The following TIMM17B variants were observed in gnomAD, a reference collection of about 807,000 sequenced individuals.
TIMM17B encodes the protein translocase of inner mitochondrial membrane 17B, also known as mitochondrial import inner membrane translocase subunit Tim17-B.
TIMM17B carries 10 observed loss-of-function variants against 15.9 expected under a neutral mutation model. The ratio of observed to expected loss-of-function variants is 0.63; its 90% confidence interval spans 0.39 to 1.06. The LOEUF (loss-of-function observed/expected upper bound fraction) is 1.06. Among genes scored for constraint, TIMM17B ranks in the 50% least tolerant of loss-of-function variants. The pLI is 0.01. For synonymous variants in TIMM17B, 57 were observed against 57.2 expected, an observed-to-expected ratio of 1.00 and a Z score of 0.02; for missense variants, 114 against 152.2, an observed-to-expected ratio of 0.75 and a Z score of 1.32.
intron 4 of TIMM17B, among the ~76,000 whole-genome samples, chrX:48,894,567 ATAGGT>A (rs1557039193): frequency 8.9e-6 from 1 of 112,063 alleles, no homozygotes; most frequent in Non-Finnish European, 1.9e-5. Context: ...TGAGAAGGAA[ATAGGT>A]TAGGAAACCC....
exon 2 of TIMM17B, chrX:48,897,752 C>T: frequency 8.3e-7 from 1 of 1,209,793 alleles, no homozygotes. Context: ...TCCTCCATGG[C>T]GCTGGCGTCT....
chrX:48,896,658 A>C, intron 3 of TIMM17B, 101 bp downstream of exon 2: 1 of 1,155,648 alleles, frequency 8.7e-7, no homozygotes, highest in Non-Finnish European at 1.2e-6. Context: ...ACCAGAATGA[A>C]TAAGTGCACG....
Position 48,895,104 on chromosome X carries a change from G to A in TIMM17B, c.127-3C>T. On this transcript the variant is annotated splice_region_variant and splice_polypyrimidine_tract_variant and intron_variant, in intron 3 of 6. Coordinates refer to ENST00000376582, the Ensembl canonical transcript of TIMM17B. ...CCTCTCAACCGGTGCCGAATTCCCT[G>A]GGGAAAGGAAGGAAGGGCGTTAGGG... is the stretch of plus-strand genomic sequence containing the variant. The A allele has an allele frequency of 8.4e-7, 1 of 1,194,006 alleles. No individual in the cohort carries two copies. The highest frequency in any genetic ancestry group is 1.1e-6 in the Non-Finnish European group (1 of 886,147).
At chrX:48,896,457 CAA>C (rs374729794) in intron 3 of TIMM17B, 239 of 214,191 alleles carry the variant, frequency 1.1e-3, no homozygotes, top group Middle Eastern at 1.6e-3. Flanking sequence ...AAGACTGTCT[CAA>C]AAAAAAAAAA....
chrX:48,896,716 A>C, intron 3 of TIMM17B, 43 bp downstream of exon 2: 1 of 1,208,089 alleles, frequency 8.3e-7, no homozygotes, highest in Non-Finnish European at 1.1e-6. Flanking sequence ...CTTGTGGGCA[A>C]GATAGCTAAC....
At chrX:48,897,364 C>G (rs2063324137) in intron 2 of TIMM17B, 1 of 264,170 alleles carries the variant, frequency 3.8e-6, no homozygotes, top group African/African-American at 2.7e-5. Context: ...TGCCCCGCCC[C>G]CCACTGACAA....
chrX:48,894,999 C>A, intron 4 of TIMM17B, 39 bp downstream of exon 3: 1 of 1,138,286 alleles, frequency 8.8e-7, no homozygotes, highest in Non-Finnish European at 1.2e-6. Context: ...CCCACCTTTG[C>A]CAAGACATCT....
chrX:48,893,553 A>G (rs1848461206), exon 7 of TIMM17B: 1 of 394,064 alleles, frequency 2.5e-6, no homozygotes, highest in African/African-American at 2.5e-5. Flanking sequence ...CTGAGAGAGA[A>G]AAAGGGGACC....
At chrX:48,894,321 G>C in intron 4 of TIMM17B, 96 bp from the exon 4 acceptor site, 1 of 955,440 alleles carries the variant, frequency 1.0e-6, no homozygotes, top group Non-Finnish European at 1.4e-6. Context: ...CCAAGAACAG[G>C]GAGAAAAACC....
intron 2 of TIMM17B, chrX:48,897,202 G>A (rs781892566): frequency 1.2e-4 from 35 of 281,821 alleles, no homozygotes; most frequent in Non-Finnish European, 2.0e-4. Context: ...AAGACAGACT[G>A]TCAGCAAAGC....
At chrX:48,897,598 G>A (rs1557039816) in intron 2 of TIMM17B, 126 bp downstream of exon 1, 2 of 542,007 alleles carry the variant, frequency 3.7e-6, no homozygotes, top group Admixed American at 5.6e-5. Flanking sequence ...GGGGTAGCGG[G>A]AGATACGTTA....
chrX:48,895,430 C>T, intron 3 of TIMM17B: 1 of 516,240 alleles, frequency 1.9e-6, no homozygotes, highest in Non-Finnish European at 3.5e-6. Context: ...TCTCAGAGCT[C>T]ACATTAACGG....
At chrX:48,897,727 G>A in exon 2 of TIMM17B, 1 of 1,208,329 alleles carries the variant, frequency 8.3e-7, no homozygotes, top group Non-Finnish European at 1.1e-6. Flanking sequence ...GCCGTACCAG[G>A]GCTCCCGAGC....
In TIMM17B at chrX:48,897,739, T is replaced by A. The variant is rs782079256; in HGVS notation, c.11A>T (p.Tyr4Phe). 42 of 1,208,394 alleles carry A rather than the reference T, an allele frequency of 3.5e-5. No individual in the cohort carries two copies. In the Admixed American group the frequency reaches 7.2e-4, roughly 21 times the overall value. ...ATTGCCGTACCAGGGCTCCCGAGCG[T>A]ACTCCTCCATGGCGCTGGCGTCTGG... is the stretch of plus-strand genomic sequence containing the variant. Residue 4 changes from tyrosine to phenylalanine, a missense_variant, in exon 2 of 7, where the codon TAC becomes TTC. Transcript: ENST00000376582.
At chrX:48,894,216 G>A (rs1557039156) in exon 5 of TIMM17B, 1 of 1,209,084 alleles carries the variant, frequency 8.3e-7, no homozygotes, top group South Asian at 1.8e-5. Flanking sequence ...CCCCCACACT[G>A]CGAAGCTACC....
rs953385686 is a variant in TIMM17B at position 48,897,962 on chromosome X, C to G, written c.-73+105G>C. 16 of 893,875 alleles carry G rather than the reference C, an allele frequency of 1.8e-5. No homozygotes were observed. The African/African-American group carries it at 3.0e-4, about 17-fold the overall frequency. 73.7% of individuals were successfully genotyped at this position (893,875 alleles called of 1,213,427 possible). On this transcript the variant is annotated intron_variant, in intron 1 of 6. Coordinates refer to ENST00000376582, the Ensembl canonical transcript of TIMM17B. ...TTTCAGGCTCGGGGAGTGAAGGCCT[C>G]GTTGAGAGAAGGTCTCATTCGGTGT...
At chrX:48,893,449 G>T in exon 7 of TIMM17B, 1 of 279,143 alleles carries the variant, frequency 3.6e-6, no homozygotes, top group Non-Finnish European at 6.3e-6. Context: ...TCCACACATA[G>T]GCATTTCAAA....
rs189008917 is a variant in TIMM17B at position 48,893,515 on chromosome X, G to A, written c.*214C>T. 1.3e-4 allele frequency: 48 copies of A among 372,379 alleles called. No individual in the cohort carries two copies. In the Admixed American group the frequency reaches 2.0e-3, roughly 15 times the overall value. 30.7% of individuals were successfully genotyped at this position (372,379 alleles called of 1,213,427 possible). The stretch of plus-strand genomic sequence containing the variant: ...ACAAAGGAGCTGGGGTGAGAACTTC[G>A]TACATGTGAGTGTGGGGCTGGGGTG... On this transcript the variant is annotated 3_prime_UTR_variant, in exon 7 of 7. Transcript: ENST00000376582.
chrX:48,893,826 G>A lies in TIMM17B; in HGVS notation c.431-9C>T. 2 of 1,183,175 alleles carry A rather than the reference G, an allele frequency of 1.7e-6. No individual in the cohort carries two copies. The highest frequency in any genetic ancestry group is 3.5e-5 in the African/African-American group (2 of 57,505). ...CTCCAGGAATGGGGGCGCTGGAGAA[G>A]GGAGACTTGGGTAAGGATGAGTGGA... On this transcript the variant is annotated splice_polypyrimidine_tract_variant and intron_variant, in intron 6 of 6. Coordinates refer to ENST00000376582, the Ensembl canonical transcript of TIMM17B.
Sources: gnomAD v4.1 joint callset for allele counts (sites outside exome capture counted in the v4.1 genomes callset) on GRCh38, gnomAD v4.1.1 for gene constraint, MANE v1.5 for transcripts, NCBI Gene and HGNC (gene_info 2026-07-23, HGNC 2026-07-21) for gene names.